The following PHLPP1 variants were observed in gnomAD, a reference collection of about 807,000 sequenced individuals.
The protein encoded by PHLPP1 is PH domain and leucine rich repeat protein phosphatase 1, also known as PH domain leucine-rich repeat-containing protein phosphatase 1.
Under a neutral mutation model 117.2 loss-of-function variants are expected in PHLPP1, and 42 were observed. That is an observed-to-expected ratio of 0.36 (90% CI 0.28 to 0.46). The LOEUF is 0.46. PHLPP1 is among the 20% of genes least tolerant of loss of function. The pLI, the probability that PHLPP1 is intolerant of heterozygous loss-of-function variation, is 1.00. For missense variants in PHLPP1, 2,084 were observed against 2,241.9 expected (o/e 0.93, Z 1.42); for synonymous variants, 1,042 against 970.7 (o/e 1.07, Z -1.37).
intron 1 of PHLPP1, among the ~76,000 whole-genome samples, chr18:62,735,530 G>A (rs1911346497): frequency 1.3e-5 from 2 of 151,758 alleles, no homozygotes; most frequent in Non-Finnish European, 2.9e-5. Context: ...TACTTTTATA[G>A]ATATGCATAC....
intron 8 of PHLPP1, among the ~76,000 whole-genome samples, chr18:62,914,600 C>G (rs1457986445): frequency 2.6e-5 from 4 of 152,134 alleles, no homozygotes; most frequent in African/African-American, 9.7e-5. Flanking sequence ...CCATGAGCAA[C>G]TAATTTTTTA....
rs779373129 is a variant in PHLPP1 at position 62,979,324 on chromosome 18, G to T, written c.5047G>T (p.Glu1683Ter). 1 of 1,552,930 alleles carries T rather than the reference G, an allele frequency of 6.4e-7. No homozygotes were observed. The highest frequency in any genetic ancestry group is 1.2e-5 in the South Asian group (1 of 84,204). Residue 1683 changes from glutamate to a stop codon, truncating the protein, a stop_gained, in exon 17 of 17, where the codon GAG (glutamate) becomes TAG (stop). Transcript: ENST00000262719. LOFTEE classifies it high-confidence loss of function. ...CAAAGAAATCATGAAGCATCACCAG[G>T]AGCAACAGCAGCAGCAGCAGCCGCC... ...EVKEIMKHHQEQQQQQQPPPP... is the reference protein window; with the variant it reads ...EVKEIMKHHQ
chr18:62,733,742 A>C (rs1206688620), intron 1 of PHLPP1, among the ~76,000 whole-genome samples: 1 of 152,194 alleles, frequency 6.6e-6, no homozygotes, highest in Non-Finnish European at 1.5e-5. Flanking sequence ...TAGTAGCAGG[A>C]ATGGGGAGAG....
At chr18:62,925,459 G>GAAGTTCTGATGTTTTGAGAGTGAAGT (rs1909601038) in intron 10 of PHLPP1, among the ~76,000 whole-genome samples, 1 of 152,070 alleles carries the variant, frequency 6.6e-6, no homozygotes, top group African/African-American at 2.4e-5. Flanking sequence ...TTGCTCATGT[G>GAAGTTCTGATGTTTTGAGAGTGAAGT]TGCTTATTAA....
intron 1 of PHLPP1, among the ~76,000 whole-genome samples, chr18:62,817,409 A>G (rs768905682): frequency 9.2e-5 from 14 of 152,244 alleles, no homozygotes; most frequent in Admixed American, 2.0e-4. Flanking sequence ...GTGAATGCAT[A>G]TGTGTATATG....
chr18:62,768,565 A>G (rs1275332410), intron 1 of PHLPP1, among the ~76,000 whole-genome samples: 1 of 152,250 alleles, frequency 6.6e-6, no homozygotes, highest in Non-Finnish European at 1.5e-5. Context: ...ATGAGAAAAT[A>G]AGTTGGAAAA....
chr18:62,921,981 AATT>A (rs1342900245), intron 10 of PHLPP1, among the ~76,000 whole-genome samples: 2 of 152,256 alleles, frequency 1.3e-5, no homozygotes, highest in African/African-American at 4.8e-5. Context: ...CAACTGGAAT[AATT>A]ATAAAGAAAC....
At chr18:62,932,054 C>T (rs1909828496) in intron 10 of PHLPP1, among the ~76,000 whole-genome samples, 1 of 151,942 alleles carries the variant, frequency 6.6e-6, no homozygotes, top group Non-Finnish European at 1.5e-5. Context: ...CACACAGCTT[C>T]CCAAGGTTGA....
intron 1 of PHLPP1, among the ~76,000 whole-genome samples, chr18:62,765,375 C>A (rs74383729): frequency 6.6e-6 from 1 of 152,078 alleles, no homozygotes; most frequent in African/African-American, 2.4e-5. Context: ...CAAAGAGGGG[C>A]GCTGGCATAA....
chr18:62,748,174 T>C (rs1158201766), intron 1 of PHLPP1, among the ~76,000 whole-genome samples: 1 of 152,202 alleles, frequency 6.6e-6, no homozygotes, highest in East Asian at 1.9e-4. Context: ...ATTCATGAAA[T>C]TCCCCCTTTA....
At chr18:62,865,973 A>G (rs1915760936) in intron 4 of PHLPP1, among the ~76,000 whole-genome samples, 1 of 152,154 alleles carries the variant, frequency 6.6e-6, no homozygotes. Flanking sequence ...TGTGCAACAA[A>G]CCCTCATGAC....
At chr18:62,894,885 G>A (rs1016436138) in intron 4 of PHLPP1, 126 bp from the exon 5 acceptor site, 1 of 743,540 alleles carries the variant, frequency 1.3e-6, no homozygotes, top group Non-Finnish European at 2.2e-6. Flanking sequence ...TAACCTCTCT[G>A]GGGCCCCCAT....
chr18:62,810,867 G>A (rs1289510901), intron 1 of PHLPP1, among the ~76,000 whole-genome samples: 1 of 152,198 alleles, frequency 6.6e-6, no homozygotes, highest in Non-Finnish European at 1.5e-5. Context: ...GGTCAGTAGT[G>A]TAGGAGTTTA....
Position 62,716,710 on chromosome 18 carries a change from G to A in PHLPP1, c.1027G>A (p.Val343Met). ...CTCTTCGCCCCGCGCCCCACGGCCT[G>A]TGGTCTCCGACACCGAGAGCTTCAG... ...PVSSPRAPRPVVSDTESFSLS... is the reference protein window; with the variant it reads ...PVSSPRAPRPMVSDTESFSLS... Residue 343 changes from valine (V) to methionine (M), a missense_variant, in exon 1 of 17, where the codon GTG (valine) becomes ATG (methionine). Physicochemically the swap from Val to Met is conservative, Grantham distance 21. This residue lies in a region of PHLPP1 where 719 missense variants were observed against 636.0 expected (regional missense o/e 1.13). Transcript: ENST00000262719. The surrounding 1 kb of genome is among the most constrained non-coding windows in gnomAD (Gnocchi z 5.7). The A allele has an allele frequency of 6.7e-7, 1 of 1,494,532 alleles. No individual in the cohort carries two copies. The allele number at this position is 1,494,532 out of a possible 1,614,324, so 92.6% of individuals were successfully genotyped here.
In PHLPP1 at chr18:62,717,052, G is replaced by C; in HGVS notation, c.1369G>C (p.Val457Leu). 2.6e-6 allele frequency: 4 copies of C among 1,546,634 alleles called. No homozygotes were observed. The highest frequency in any genetic ancestry group is 3.5e-6 in the Non-Finnish European group (4 of 1,146,312). Reference sequence around the variant, plus strand: ...CCAGTCTACCCCCGGGAGGAGCGGGGTGACCGCGGAGAAGGCGCCTCCGCC... The same window carrying C: ...CCAGTCTACCCCCGGGAGGAGCGGGCTGACCGCGGAGAAGGCGCCTCCGCC... ...GLQSTPGRSG[V>L]TAEKAPPPPP... Residue 457 changes from valine (V) to leucine (L), a missense_variant, in exon 1 of 17, where the codon GTG becomes CTG. Transcript: ENST00000262719.
At chr18:62,740,815 T>A (rs1911503068) in intron 1 of PHLPP1, among the ~76,000 whole-genome samples, 1 of 152,022 alleles carries the variant, frequency 6.6e-6, no homozygotes, top group African/African-American at 2.4e-5. Context: ...GTACTAAAAA[T>A]ACAAAAACTA....
chr18:62,962,660 G>A (rs1835737328), intron 13 of PHLPP1, among the ~76,000 whole-genome samples: 1 of 152,190 alleles, frequency 6.6e-6, no homozygotes, highest in South Asian at 2.1e-4. Flanking sequence ...TAGTATTTCT[G>A]TTTTGGGTCC....
chr18:62,829,606 T>C (rs1288859097), intron 1 of PHLPP1, among the ~76,000 whole-genome samples: 2 of 151,848 alleles, frequency 1.3e-5, no homozygotes, highest in African/African-American at 4.8e-5. Context: ...ACAAAAAATT[T>C]AGTCGTGTGG....
chr18:62,868,306 T>C (rs1915817912), intron 4 of PHLPP1, among the ~76,000 whole-genome samples: 1 of 152,176 alleles, frequency 6.6e-6, no homozygotes, highest in African/African-American at 2.4e-5. Flanking sequence ...CCAGTTTCTA[T>C]AGCATTGCAT....
Sources: allele counts gnomAD v4.1 joint callset (sites outside exome capture counted in the v4.1 genomes callset), GRCh38; gene constraint gnomAD v4.1.1; regional missense constraint gnomAD v4.1.1; non-coding constraint Gnocchi (gnomAD v3.1); transcripts MANE v1.5; gene names NCBI Gene and HGNC (gene_info 2026-07-23, HGNC 2026-07-21).